CELF2: variants seen among roughly 807,000 people sequenced by gnomAD.
CELF2 encodes CUG triplet repeat RNA-binding protein 2.
In CELF2, 8 loss-of-function variants were observed where a neutral mutation model predicts 62.6. The observed-to-expected ratio is 0.13, with a 90% CI of 0.07 to 0.23. The LOEUF is 0.23. Among genes scored for constraint, CELF2 ranks in the 10% least tolerant of loss-of-function variants. The probability of loss-of-function intolerance (pLI) is 1.00; values close to 1 mark genes in which losing one functional copy is unlikely to be tolerated. For synonymous variants in CELF2, 258 were observed against 250.0 expected (o/e 1.03, Z -0.30); for missense variants, 333 against 671.0 (o/e 0.50, Z 5.56).
chr10:10,995,256 T>C lies in CELF2; in HGVS notation c.89+75257T>C, dbSNP rs2053837527. The stretch of plus-strand genomic sequence containing the variant: ...CGTGTGGCTCATGTAGCTCGTCACA[T>C]TTTTTATTTTTATTTTTTGAAACTG... On this transcript the variant is annotated intron_variant, in intron 2 of 13. Transcript: ENST00000636488. This position sits in a 1 kb window ranked among gnomAD's most constrained non-coding sequence, Gnocchi z 4.7. Among the ~76,000 whole-genome samples, 2 of 152,214 alleles carry C rather than the reference T, an allele frequency of 1.3e-5. No individual in the cohort carries two copies. Among genetic ancestry groups the C allele is most frequent in the Non-Finnish European group, 1.5e-5 (1 of 68,042 alleles).
chr10:10,945,175 A>G (rs1327296001), intron 2 of CELF2, among the ~76,000 whole-genome samples: 1 of 152,198 alleles, frequency 6.6e-6, no homozygotes, highest in Non-Finnish European at 1.5e-5. Flanking sequence ...GTGCTAACCC[A>G]GGAGTGGGGA....
In CELF2 at chr10:10,958,909, C is replaced by T. The variant is rs78155859; in HGVS notation, c.89+38910C>T. Among the ~76,000 whole-genome samples the T allele has an allele frequency of 7.2e-3, 1,092 of 152,148 alleles. 16 individuals are homozygous for T. Among genetic ancestry groups the T allele is most frequent in the African/African-American group, 0.024 (1,008 of 41,520 alleles). ...AACATCACAAGGTATGTATGTATGG[C>T]GCTTTGGTTGACATTTACAAGATAA... On this transcript the variant is annotated intron_variant, in intron 2 of 13. Transcript: ENST00000636488.
chr10:10,794,774 A>G (rs1052784121), upstream of CELF2: 1 of 152,208 alleles, frequency 6.6e-6, no homozygotes, highest in Admixed American at 6.5e-5. Flanking sequence ...CTGAAATAAG[A>G]TGAGCTTCCA....
chr10:10,801,935 A>G (rs2054703536), intron 1 of CELF2, among the ~76,000 whole-genome samples: 1 of 152,192 alleles, frequency 6.6e-6, no homozygotes, highest in South Asian at 2.1e-4. Flanking sequence ...ATTTTGTTAC[A>G]TGGAGAAACC....
intron 2 of CELF2, among the ~76,000 whole-genome samples, chr10:11,192,159 G>T (rs543970833): frequency 6.6e-6 from 1 of 152,306 alleles, no homozygotes; most frequent in African/African-American, 2.4e-5. Context: ...ACTGAGGAGG[G>T]TGCTTGCGTT....
At chr10:11,308,265 T>A in intron 9 of CELF2, among the ~76,000 whole-genome samples, 1 of 152,204 alleles carries the variant, frequency 6.6e-6, no homozygotes, top group Non-Finnish European at 1.5e-5. Context: ...CTACTTGGAG[T>A]TTGTTTATTT....
At chr10:10,741,091 T>TA in the CELF2 span, among the ~76,000 whole-genome samples, 10 of 151,886 alleles carry the variant, frequency 6.6e-5, no homozygotes, top group Non-Finnish European at 1.0e-4. Flanking sequence ...CTCTTACCAC[T>TA]AAAAAAAAGT....
chr10:10,804,668 C>T (rs574019645), intron 1 of CELF2, among the ~76,000 whole-genome samples: 2 of 152,288 alleles, frequency 1.3e-5, no homozygotes, highest in Admixed American at 6.5e-5. Context: ...TACACTTTTG[C>T]GTGTTCCCTT....
In CELF2 at chr10:10,973,105, C is replaced by T. The variant is rs888353970; in HGVS notation, c.89+53106C>T. Among the ~76,000 whole-genome samples the T allele has an allele frequency of 2.0e-5, 3 of 150,240 alleles. 1 individual carries two copies. The East Asian group carries it at 5.8e-4, about 29-fold the overall frequency. ...AGGAGTTCGAGACCAGCCTGGCCAA[C>T]ATGTCAAAACCTCGTCTCTACTAAA... is the stretch of plus-strand genomic sequence containing the variant. On this transcript the variant is annotated intron_variant, in intron 2 of 13. Coordinates refer to the CELF2 transcript ENST00000636488.
At chr10:10,869,334 C>A (rs566389635) in intron 1 of CELF2, among the ~76,000 whole-genome samples, 1 of 152,088 alleles carries the variant, frequency 6.6e-6, no homozygotes, top group Non-Finnish European at 1.5e-5. Flanking sequence ...GAGGCCAAGG[C>A]GGGCAGATCA....
chr10:10,719,859 G>C, the CELF2 span, among the ~76,000 whole-genome samples: 65 of 152,308 alleles, frequency 4.3e-4, 1 homozygote, highest in East Asian at 0.012. Context: ...TATTGATTCT[G>C]ATTTGGGCGG....
chr10:10,927,549 T>C (rs1308102819), intron 2 of CELF2, among the ~76,000 whole-genome samples: 1 of 152,068 alleles, frequency 6.6e-6, no homozygotes, highest in East Asian at 1.9e-4. Flanking sequence ...TGCCTCAGAC[T>C]CCCAAGTAGC....
rs1173137870 is a variant in CELF2 at position 10,995,806 on chromosome 10, G to A, written c.89+75807G>A. 6.6e-6 allele frequency among the ~76,000 whole-genome samples: 1 copy of A among 152,214 alleles called. No homozygotes were observed. Among genetic ancestry groups the A allele is most frequent in the African/African-American group, 2.4e-5 (1 of 41,468 alleles). ...AACGTAGTAGAGATGGGAGGAAGTG[G>A]TTGGGAAAGTGTTGTTCAACAGATT... On this transcript the variant is annotated intron_variant, in intron 2 of 13. Transcript: ENST00000636488. The surrounding 1 kb of genome is among the most constrained non-coding windows in gnomAD (Gnocchi z 4.7).
chr10:11,003,829 T>A (rs2054769548), upstream of CELF2, among the ~76,000 whole-genome samples: 1 of 152,146 alleles, frequency 6.6e-6, no homozygotes, highest in African/African-American at 2.4e-5. The surrounding 1 kb of genome is among the most constrained non-coding windows in gnomAD (Gnocchi z 4.4). Context: ...TATGTTAGAA[T>A]GAAGCAAGAA....
the CELF2 span, among the ~76,000 whole-genome samples, chr10:10,719,769 C>T: frequency 6.6e-6 from 1 of 152,180 alleles, no homozygotes; most frequent in African/African-American, 2.4e-5. Flanking sequence ...ATCTACCCAA[C>T]AGAGTTATTA....
chr10:11,019,417 C>T (rs2057928835), intron 1 of CELF2, among the ~76,000 whole-genome samples: 1 of 152,104 alleles, frequency 6.6e-6, no homozygotes, highest in Non-Finnish European at 1.5e-5. Flanking sequence ...CTGTCTGGCA[C>T]CTTATGGTAC....
At chr10:10,635,982 T>C in the CELF2 span, among the ~76,000 whole-genome samples, 1 of 152,222 alleles carries the variant, frequency 6.6e-6, no homozygotes, top group Non-Finnish European at 1.5e-5. Context: ...CATTTGGTTC[T>C]ATCTAAACAG....
chr10:11,326,068 A>G, intron 12 of CELF2, 89 bp downstream of exon 12: 2 of 1,307,740 alleles, frequency 1.5e-6, no homozygotes, highest in Non-Finnish European at 2.1e-6. Context: ...TTCAGCCAGG[A>G]TAGGGCCTTC....
chr10:10,853,442 A>G (rs982476595), intron 1 of CELF2, among the ~76,000 whole-genome samples: 3 of 152,076 alleles, frequency 2.0e-5, no homozygotes, highest in African/African-American at 7.2e-5. Context: ...GAATTCAGAG[A>G]ATCCACTGGA....
Sources: allele counts gnomAD v4.1 joint callset (sites outside exome capture counted in the v4.1 genomes callset), GRCh38; gene constraint gnomAD v4.1.1; non-coding constraint Gnocchi (gnomAD v3.1); transcripts MANE v1.5; gene names NCBI Gene and HGNC (gene_info 2026-07-23, HGNC 2026-07-21).